Variants in ERC1 observed in about 807,000 individuals in gnomAD.
ERC1 encodes the protein ELKS/RAB6-interacting/CAST family member 1, also known as RAB6 interacting protein 2.
ERC1 carries 56 observed loss-of-function variants against 132.0 expected under a neutral mutation model. That is an observed-to-expected ratio of 0.42 (90% CI 0.34 to 0.53). ERC1 has a LOEUF of 0.53. ERC1 is among the 20% of genes least tolerant of loss of function. The pLI, the probability that ERC1 is intolerant of heterozygous loss-of-function variation, is 0.03. For missense variants in ERC1, 1,202 were observed against 1,349.9 expected (o/e 0.89, Z 1.72); for synonymous variants, 478 against 476.1 (o/e 1.00, Z -0.05).
At chr12:1,033,504 C>T (rs1968469452) in intron 2 of ERC1, among the ~76,000 whole-genome samples, 1 of 150,788 alleles carries the variant, frequency 6.6e-6, no homozygotes, top group Admixed American at 6.6e-5. Context: ...CTCAGTGTTG[C>T]CCAGGCTGGA....
intron 17 of ERC1, among the ~76,000 whole-genome samples, chr12:1,439,084 G>A (rs1320896493): frequency 6.6e-6 from 1 of 152,096 alleles, no homozygotes; most frequent in Non-Finnish European, 1.5e-5. Context: ...GCTGTGTTAT[G>A]CCTCTCGGAA....
At chr12:1,458,972 G>A (rs73599916) in intron 18 of ERC1, among the ~76,000 whole-genome samples, 2 of 152,160 alleles carry the variant, frequency 1.3e-5, no homozygotes, top group Admixed American at 6.5e-5. Flanking sequence ...GGGAAAGCAC[G>A]TGATAATCCC....
At chr12:1,036,437 C>T (rs961943435) in intron 2 of ERC1, among the ~76,000 whole-genome samples, 2 of 149,422 alleles carry the variant, frequency 1.3e-5, no homozygotes, top group South Asian at 2.1e-4. Flanking sequence ...TGCAATGGTG[C>T]GATCTCGGCT....
intron 8 of ERC1, among the ~76,000 whole-genome samples, chr12:1,146,920 A>G (rs1950433303): frequency 6.6e-6 from 1 of 152,066 alleles, no homozygotes. Context: ...GATGGTTTCC[A>G]GTTTCATCCA....
intron 1 of ERC1, among the ~76,000 whole-genome samples, chr12:1,007,025 G>A (rs1963762261): frequency 6.6e-6 from 1 of 151,596 alleles, no homozygotes; most frequent in Admixed American, 6.6e-5. Context: ...ATATGACTCT[G>A]TATTGTGTTC....
intron 18 of ERC1, among the ~76,000 whole-genome samples, chr12:1,470,407 G>A (rs2093835289): frequency 6.6e-6 from 1 of 151,496 alleles, no homozygotes; most frequent in Admixed American, 6.6e-5. Context: ...GACAGTTTCA[G>A]CATTAGGTTT....
At chr12:1,327,812 G>A (rs11061703) in intron 15 of ERC1, among the ~76,000 whole-genome samples, 47,662 of 151,618 alleles carry the variant, frequency 0.31, 11,244 homozygotes, top group African/African-American at 0.66. Flanking sequence ...TTCCATAAAC[G>A]ACCTCAACAT....
chr12:1,424,880 A>AGATC (rs1054130243), intron 17 of ERC1, among the ~76,000 whole-genome samples: 2 of 147,398 alleles, frequency 1.4e-5, no homozygotes, highest in African/African-American at 5.4e-5. Flanking sequence ...ATAGATAGAT[A>AGATC]GATAGATAGA....
chr12:1,414,700 C>T (rs2092027937), intron 17 of ERC1, among the ~76,000 whole-genome samples: 1 of 152,056 alleles, frequency 6.6e-6, no homozygotes, highest in South Asian at 2.1e-4. Flanking sequence ...CCCTCCTCCC[C>T]ACCTCCTTTT....
chr12:1,388,079 C>T lies in ERC1; in HGVS notation c.2925+16102C>T, dbSNP rs191231949. 4.0e-4 allele frequency among the ~76,000 whole-genome samples: 61 copies of T among 152,194 alleles called. 1 individual carries two copies. The East Asian group carries it at 8.5e-3, about 21-fold the overall frequency. On this transcript the variant is annotated intron_variant, in intron 16 of 18. Transcript: ENST00000360905. ...CTAAGAGACTAATAAGAGTTAGCCT[C>T]GGCCGGGCGTGGTGGCTCACGCTTG...
intron 7 of ERC1, among the ~76,000 whole-genome samples, chr12:1,116,568 A>AT (rs201063580): frequency 0.27 from 39,340 of 143,700 alleles, 5,611 homozygotes; most frequent in African/African-American, 0.37. Context: ...TGTTTTTAGA[A>AT]TTTTTTTTTT....
chr12:1,104,660 A>T, intron 3 of ERC1, 90 bp from the exon 4 acceptor site: 2 of 871,490 alleles, frequency 2.3e-6, no homozygotes, highest in South Asian at 2.7e-5. Flanking sequence ...GGCTGTAGTG[A>T]TCTTTTGCAT....
rs533387332 is a variant in ERC1 at position 1,171,842 on chromosome 12, A to C, written c.1738-8698A>C. Among the ~76,000 whole-genome samples, 3 of 152,330 alleles carry C rather than the reference A, an allele frequency of 2.0e-5. No individual in the cohort carries two copies. In the South Asian group the frequency reaches 6.2e-4, roughly 32 times the overall value. On this transcript the variant is annotated intron_variant, in intron 8 of 18. Coordinates refer to ENST00000360905, the MANE Select transcript of ERC1 (RefSeq NM_178040.4). ...AATCAGTTCCACTTGACTGGAAATA[A>C]ATCACCCAGACTGAAACATGATAGC...
intron 1 of ERC1, among the ~76,000 whole-genome samples, chr12:1,008,403 A>G (rs915045544): frequency 1.3e-5 from 2 of 152,250 alleles, no homozygotes; most frequent in African/African-American, 2.4e-5. Flanking sequence ...ATGATTTACA[A>G]CACATTAAAA....
In ERC1 at chr12:1,183,404, G is replaced by A. The variant is rs759440468; in HGVS notation, c.2140G>A (p.Glu714Lys). 7.0e-6 allele frequency: 11 copies of A among 1,571,014 alleles called. No homozygotes were observed. In the South Asian group the frequency reaches 1.3e-4, roughly 19 times the overall value. ...EQKKEECLKM[E>K]SQLKKAHEAA... ...GAAGAAGGAGGAGTGTCTGAAAATG[G>A]AATCACAATTGAAAAAGGTTAAAGA... Residue 714 changes from glutamate (E) to lysine (K), a missense_variant, in exon 11 of 19, where the codon GAA (glutamate) becomes AAA (lysine). Transcript: ENST00000360905.
chr12:1,414,531 A>G (rs2092014589), intron 17 of ERC1, among the ~76,000 whole-genome samples: 1 of 152,220 alleles, frequency 6.6e-6, no homozygotes, highest in African/African-American at 2.4e-5. Context: ...ATTGATAGCA[A>G]TGACGTTGCT....
intron 1 of ERC1, chr12:998,589 C>T (rs1182336278): frequency 1.3e-5 from 2 of 152,136 alleles, no homozygotes; most frequent in Non-Finnish European, 2.9e-5. Flanking sequence ...CTTTTTGTAA[C>T]CTTATCTTGG....
chr12:1,292,698 A>C (rs1165123837), intron 15 of ERC1, among the ~76,000 whole-genome samples: 1 of 152,216 alleles, frequency 6.6e-6, no homozygotes. Flanking sequence ...AGAAAAGTAG[A>C]GTACAATTGT....
chr12:1,187,504 G>A (rs1955233256), intron 11 of ERC1, among the ~76,000 whole-genome samples: 2 of 151,708 alleles, frequency 1.3e-5, no homozygotes, highest in South Asian at 4.2e-4. Flanking sequence ...TGGGCTCAAG[G>A]AATTCTCCCA....
Sources: allele counts gnomAD v4.1 joint callset (sites outside exome capture counted in the v4.1 genomes callset), GRCh38; gene constraint gnomAD v4.1.1; transcripts MANE v1.5; gene names NCBI Gene and HGNC (gene_info 2026-07-23, HGNC 2026-07-21).